MEGF11: variants seen among roughly 807,000 people sequenced by gnomAD.
MEGF11 encodes the protein multiple epidermal growth factor-like domains protein 11.
MEGF11 carries 126 observed loss-of-function variants against 146.6 expected under a neutral mutation model. The ratio of observed to expected loss-of-function variants is 0.86; its 90% CI spans 0.74 to 1.00. The LOEUF is 1.00. MEGF11 is among the 50% of genes least tolerant of loss of function. The probability of loss-of-function intolerance (pLI) is 0.00; values close to 1 mark genes in which losing one functional copy is unlikely to be tolerated. For synonymous variants in MEGF11, 532 were observed against 583.4 expected, an observed-to-expected ratio of 0.91 and a Z score of 1.27; for missense variants, 1,509 against 1,521.2, an observed-to-expected ratio of 0.99 and a Z score of 0.13.
At position 66,119,168 on chromosome 15, in the gene MEGF11, C is replaced by T. The variant is rs752278813; in HGVS notation, c.219G>A (p.Ala73=). Residue 73 remains alanine (A), a synonymous_variant, in exon 4 of 26, where the codon GCG becomes GCA. Coordinates refer to ENST00000395614, the MANE Select transcript of MEGF11 (RefSeq NM_001385028.1). ...ACATGGTCCGGAGGCCTCTCCGATA[C>T]GCCGTCTTATAACTGATCCTAAGGC... ...CTRHRISYKT[A]YRRGLRTMYR... The T allele has an allele frequency of 4.6e-5, 71 of 1,551,176 alleles. No homozygotes were observed. Among genetic ancestry groups the T allele is most frequent in the African/African-American group, 5.5e-5 (4 of 73,042 alleles).
intron 7 of MEGF11, chr15:65,971,027 A>G (rs1381347117): frequency 6.1e-6 from 2 of 325,890 alleles, no homozygotes; most frequent in Admixed American, 4.4e-5. Context: ...GTACTCTCAC[A>G]TGGGTACACA....
chr15:66,136,183 T>C (rs940317256), intron 1 of MEGF11, among the ~76,000 whole-genome samples: 2 of 152,182 alleles, frequency 1.3e-5, no homozygotes, highest in Non-Finnish European at 2.9e-5. Flanking sequence ...AACAGTTTCT[T>C]GTGAGGATTA....
chr15:65,903,937 A>T (rs1204026212), intron 24 of MEGF11, among the ~76,000 whole-genome samples: 1 of 152,106 alleles, frequency 6.6e-6, no homozygotes, highest in Non-Finnish European at 1.5e-5. Context: ...TTTTTAAAGG[A>T]TGATTGTAGC....
At chr15:66,162,384 A>G (rs1230732910) in intron 1 of MEGF11, among the ~76,000 whole-genome samples, 1 of 152,206 alleles carries the variant, frequency 6.6e-6, no homozygotes, top group Non-Finnish European at 1.5e-5. Context: ...GACTTGTAGA[A>G]AGAGAGAGAA....
chr15:66,093,489 A>G (rs2086407665), intron 5 of MEGF11, among the ~76,000 whole-genome samples: 1 of 152,162 alleles, frequency 6.6e-6, no homozygotes, highest in Non-Finnish European at 1.5e-5. Context: ...TCCCTAGTGG[A>G]GCCGCTTGGC....
At chr15:66,203,293 T>A (rs12148583) in intron 1 of MEGF11, among the ~76,000 whole-genome samples, 38,512 of 152,078 alleles carry the variant, frequency 0.25, 5,196 homozygotes, top group East Asian at 0.53. Context: ...ACCGTGTGGT[T>A]TTTACGGGCA....
At chr15:66,147,932 T>G (rs1015775295) in intron 1 of MEGF11, among the ~76,000 whole-genome samples, 3 of 152,188 alleles carry the variant, frequency 2.0e-5, no homozygotes, top group African/African-American at 7.2e-5. Flanking sequence ...GTTTTAATGA[T>G]GGACATTCAC....
intron 17 of MEGF11, chr15:65,916,598 C>T: frequency 1.3e-6 from 1 of 786,696 alleles, no homozygotes; most frequent in Non-Finnish European, 2.1e-6. Flanking sequence ...GCTGGAGTAC[C>T]TTGCAGCCCT....
At chr15:66,099,069 C>T (rs1247890716) in intron 4 of MEGF11, among the ~76,000 whole-genome samples, 1 of 152,174 alleles carries the variant, frequency 6.6e-6, no homozygotes, top group Non-Finnish European at 1.5e-5. Flanking sequence ...GCAGCACTTC[C>T]CCAGCAAGGC....
chr15:66,060,615 C>T (rs1436985965), intron 5 of MEGF11, among the ~76,000 whole-genome samples: 1 of 152,236 alleles, frequency 6.6e-6, no homozygotes, highest in Non-Finnish European at 1.5e-5. Flanking sequence ...CCTCTGTCCT[C>T]TGGGACCCCC....
chr15:66,201,034 C>A (rs1026671), intron 1 of MEGF11, among the ~76,000 whole-genome samples: 3 of 151,880 alleles, frequency 2.0e-5, no homozygotes, highest in Non-Finnish European at 4.4e-5. Flanking sequence ...GGTAGGGTGG[C>A]GAGTAGAGTC....
At chr15:65,900,742 C>T (rs188747070) in intron 24 of MEGF11, among the ~76,000 whole-genome samples, 4 of 152,326 alleles carry the variant, frequency 2.6e-5, no homozygotes, top group African/African-American at 9.6e-5. Context: ...CCAGGCTCAG[C>T]ATTTTCCATC....
intron 4 of MEGF11, among the ~76,000 whole-genome samples, chr15:66,110,090 TC>T (rs1445423152): frequency 6.6e-6 from 1 of 152,050 alleles, no homozygotes; most frequent in Non-Finnish European, 1.5e-5. Flanking sequence ...ACCGTGTGGC[TC>T]CCAAACAGGC....
intron 5 of MEGF11, among the ~76,000 whole-genome samples, chr15:66,045,920 T>C (rs142740328): frequency 1.4e-3 from 210 of 152,194 alleles, no homozygotes; most frequent in African/African-American, 4.8e-3. Flanking sequence ...CTGGCCAACA[T>C]GGTGAAATCC....
chr15:66,125,812 T>G (rs1363988222), intron 2 of MEGF11, among the ~76,000 whole-genome samples: 1 of 152,166 alleles, frequency 6.6e-6, no homozygotes, highest in Non-Finnish European at 1.5e-5. Flanking sequence ...TTCCCCACCT[T>G]TGTTAAGCAC....
chr15:66,160,149 A>G (rs2089898797), intron 1 of MEGF11, among the ~76,000 whole-genome samples: 1 of 151,822 alleles, frequency 6.6e-6, no homozygotes, highest in Admixed American at 6.6e-5. Context: ...CCATGGTGTA[A>G]GGATGGGCAC....
chr15:66,193,377 T>C (rs1303644864), intron 1 of MEGF11, among the ~76,000 whole-genome samples: 4 of 152,202 alleles, frequency 2.6e-5, no homozygotes, highest in Non-Finnish European at 5.9e-5. Context: ...CAGCACCTAC[T>C]AAGTGCCAGA....
chr15:66,116,186 C>G (rs531963286), intron 4 of MEGF11, among the ~76,000 whole-genome samples: 11 of 152,316 alleles, frequency 7.2e-5, no homozygotes, highest in African/African-American at 2.4e-4. Context: ...CCCCGTGAAG[C>G]AGGTGGCAGC....
In MEGF11 at chr15:66,005,501, G is replaced by T. The variant is rs79995093; in HGVS notation, c.395-23013C>A. Among the ~76,000 whole-genome samples, 4 of 152,184 alleles carry T rather than the reference G, an allele frequency of 2.6e-5. No homozygotes were observed. The East Asian group carries it at 7.7e-4, about 29-fold the overall frequency. The stretch of plus-strand genomic sequence containing the variant: ...TGCTCCAGTAAGTATGCAGTGGAAC[G>T]ATCTCTCAAGGTGGGAAGCAAAAAA... On this transcript the variant is annotated intron_variant, in intron 5 of 25. Transcript: ENST00000395614.
Sources: gnomAD v4.1 joint callset for allele counts (sites outside exome capture counted in the v4.1 genomes callset) on GRCh38, gnomAD v4.1.1 for gene constraint, MANE v1.5 for transcripts, NCBI Gene and HGNC (gene_info 2026-07-23, HGNC 2026-07-21) for gene names.